Variants in MPP7 observed in about 807,000 individuals in gnomAD.
The protein encoded by MPP7 is MAGUK p55 scaffold protein 7.
A neutral mutation model predicts 76.5 loss-of-function variants in MPP7; 60 were observed. The observed-to-expected ratio is 0.78, with a 90% CI of 0.64 to 0.97. The LOEUF (loss-of-function observed/expected upper bound fraction) is 0.97. MPP7 is among the 50% of genes least tolerant of loss of function. The probability of loss-of-function intolerance (pLI) is 0.00; values close to 1 mark genes in which losing one functional copy is unlikely to be tolerated. For missense variants in MPP7, 641 were observed against 694.0 expected, an observed-to-expected ratio of 0.92 and a Z score of 0.86; for synonymous variants, 237 against 244.5, an observed-to-expected ratio of 0.97 and a Z score of 0.29.
chr10:28,227,358 G>C lies in MPP7; in HGVS notation c.37+11210C>G, dbSNP rs552555607. 3.3e-5 allele frequency among the ~76,000 whole-genome samples: 5 copies of C among 152,196 alleles called. No individual in the cohort carries two copies. The South Asian group carries it at 1.0e-3, about 32-fold the overall frequency. Reference sequence around the variant, plus strand: ...ATACATGTGCAGGACGTACAGGTTTGTTACATAGGTAAACGTGTGCCATGG... The same window carrying C: ...ATACATGTGCAGGACGTACAGGTTTCTTACATAGGTAAACGTGTGCCATGG... On this transcript the variant is annotated intron_variant, in intron 2 of 16. Coordinates refer to ENST00000683449, the MANE Select transcript of MPP7 (RefSeq NM_001318170.2).
chr10:28,167,444 G>T (rs879464992), intron 3 of MPP7, among the ~76,000 whole-genome samples: 6 of 152,150 alleles, frequency 3.9e-5, no homozygotes, highest in Admixed American at 6.5e-5. Flanking sequence ...CATAAAGATG[G>T]GAGCAACAGA....
At chr10:28,098,095 TAA>T (rs1024798650) in intron 11 of MPP7, among the ~76,000 whole-genome samples, 12 of 152,134 alleles carry the variant, frequency 7.9e-5, no homozygotes, top group Non-Finnish European at 1.8e-4. Flanking sequence ...GTTATTAAAA[TAA>T]GTTTCATATT....
rs1375890106 is a variant in MPP7, at chr10:28,302,841, C to T, written c.-132+20G>A. Among the ~76,000 whole-genome samples the T allele has an allele frequency of 1.3e-5, 2 of 152,138 alleles. No individual in the cohort carries two copies. The highest frequency in any genetic ancestry group is 4.8e-5 in the African/African-American group (2 of 41,454). ...CTAGCCCTGGGCTCCGACAGGCGCT[C>T]CCCAGAGGCGCCCCATTACCTGCTC... On this transcript the variant is annotated intron_variant, in intron 1 of 16. Transcript: ENST00000683449.
chr10:28,209,242 A>G (rs1313450319), intron 2 of MPP7, among the ~76,000 whole-genome samples: 1 of 152,174 alleles, frequency 6.6e-6, no homozygotes, highest in South Asian at 2.1e-4. Context: ...AGGCAGGAAT[A>G]TCGCTTGAGG....
chr10:28,118,853 C>A, intron 11 of MPP7: 3 of 985,374 alleles, frequency 3.0e-6, no homozygotes, highest in Non-Finnish European at 3.6e-6. Flanking sequence ...ATACTAAAAA[C>A]AGATGTTGGT....
chr10:28,256,619 G>A (rs1839795505), intron 1 of MPP7, among the ~76,000 whole-genome samples: 1 of 151,266 alleles, frequency 6.6e-6, no homozygotes, highest in Non-Finnish European at 1.5e-5. Context: ...AATTGGACTC[G>A]TTTTTAGGCT....
At chr10:28,168,197 T>G (rs1836551878) in intron 3 of MPP7, among the ~76,000 whole-genome samples, 1 of 152,124 alleles carries the variant, frequency 6.6e-6, no homozygotes. Context: ...ATCACACCAC[T>G]GCACTCCAGC....
chr10:28,263,578 T>G (rs1432486519), intron 1 of MPP7, among the ~76,000 whole-genome samples: 1 of 152,010 alleles, frequency 6.6e-6, no homozygotes, highest in Non-Finnish European at 1.5e-5. Context: ...AAATCAACAC[T>G]GAAGTGTTTC....
intron 12 of MPP7, among the ~76,000 whole-genome samples, chr10:28,082,431 C>T (rs1250733626): frequency 6.6e-6 from 1 of 151,426 alleles, no homozygotes; most frequent in Non-Finnish European, 1.5e-5. Context: ...TTCTCTCCTT[C>T]TCCTCCTTCC....
At chr10:28,330,582 T>C (rs540287611) in intron 1 of MPP7, among the ~76,000 whole-genome samples, 2 of 152,258 alleles carry the variant, frequency 1.3e-5, no homozygotes, top group African/African-American at 4.8e-5. Flanking sequence ...TGGCTAGAAC[T>C]CAGGAAGAAA....
chr10:28,181,547 G>C (rs1056345122), intron 3 of MPP7, among the ~76,000 whole-genome samples: 6 of 42,610 alleles, frequency 1.4e-4, no homozygotes, highest in African/African-American at 3.1e-4. Context: ...ATCTATTATC[G>C]TGCCCCACGA....
intron 1 of MPP7, among the ~76,000 whole-genome samples, chr10:28,270,343 G>A (rs575868180): frequency 6.6e-6 from 1 of 152,150 alleles, no homozygotes; most frequent in Admixed American, 6.6e-5. Context: ...CAGCAGCCCA[G>A]CAGTTCAGAA....
chr10:28,304,621 AT>A (rs1209547668), upstream of MPP7, among the ~76,000 whole-genome samples: 1 of 152,238 alleles, frequency 6.6e-6, no homozygotes, highest in Admixed American at 6.5e-5. Context: ...TAGTCTAAAA[AT>A]ACGTGTCCTA....
rs139746474 is a variant in MPP7, at chr10:28,186,219, G to T, written c.156+15934C>A. Among the ~76,000 whole-genome samples, 289 of 152,118 alleles carry T rather than the reference G, an allele frequency of 1.9e-3. 2 individuals are homozygous for T. The highest frequency in any genetic ancestry group is 5.8e-3 in the African/African-American group (239 of 41,532). On this transcript the variant is annotated intron_variant, in intron 3 of 16. Transcript: ENST00000683449. Reference sequence around the variant, plus strand: ...AAATTAGCTGGCCATGGTGGCAGGCGCCTGTAGTCCCAGCTACTCAGGAGG... The same window carrying T: ...AAATTAGCTGGCCATGGTGGCAGGCTCCTGTAGTCCCAGCTACTCAGGAGG...
chr10:28,122,910 T>C (rs1834889656), intron 8 of MPP7, among the ~76,000 whole-genome samples: 1 of 152,174 alleles, frequency 6.6e-6, no homozygotes, highest in South Asian at 2.1e-4. Context: ...GGTTAAAAAG[T>C]CTTTTTCTAC....
intron 2 of MPP7, among the ~76,000 whole-genome samples, chr10:28,212,477 A>G (rs1265131129): frequency 6.6e-6 from 1 of 152,170 alleles, no homozygotes; most frequent in Non-Finnish European, 1.5e-5. Flanking sequence ...ACCAGTGGAG[A>G]TGCAGTGGGC....
At chr10:28,301,189 T>G (rs759800913) in intron 1 of MPP7, among the ~76,000 whole-genome samples, 6 of 152,196 alleles carry the variant, frequency 3.9e-5, no homozygotes, top group Non-Finnish European at 7.3e-5. Context: ...CAGTAAACAC[T>G]TCCCGAAACA....
chr10:28,062,087 G>A (rs1392100626), intron 13 of MPP7, among the ~76,000 whole-genome samples: 3 of 152,098 alleles, frequency 2.0e-5, no homozygotes, highest in Non-Finnish European at 4.4e-5. Flanking sequence ...AAATAATTGT[G>A]TAAATGTAAA....
At chr10:28,326,934 C>A (rs966987177) in intron 2 of MPP7, among the ~76,000 whole-genome samples, 2 of 152,168 alleles carry the variant, frequency 1.3e-5, no homozygotes, top group Admixed American at 1.3e-4. Flanking sequence ...GTGTTCGTGG[C>A]CACTAAGCCC....
Sources: gnomAD v4.1 joint callset for allele counts (sites outside exome capture counted in the v4.1 genomes callset) on GRCh38, gnomAD v4.1.1 for gene constraint, MANE v1.5 for transcripts, NCBI Gene and HGNC (gene_info 2026-07-23, HGNC 2026-07-21) for gene names.